Variants in RBFOX1 observed in about 807,000 individuals in gnomAD.
RBFOX1 encodes RNA binding protein fox-1 homolog 1.
In RBFOX1, 8 loss-of-function variants were observed where a neutral mutation model predicts 57.7. The observed-to-expected ratio is 0.14, with a 90% CI of 0.08 to 0.25. RBFOX1 has a LOEUF of 0.25. RBFOX1 is among the 10% of genes least tolerant of loss of function. RBFOX1 has a pLI of 1.00. For missense variants in RBFOX1, 611 were observed against 548.5 expected, an observed-to-expected ratio of 1.11 and a Z score of -1.14; for synonymous variants, 326 against 222.4, an observed-to-expected ratio of 1.47 and a Z score of -4.15.
intron 4 of RBFOX1, among the ~76,000 whole-genome samples, chr16:5,917,621 C>T (rs2058736797): frequency 6.6e-6 from 1 of 152,172 alleles, no homozygotes; most frequent in East Asian, 1.9e-4. Context: ...GTTCTGCCTC[C>T]TTTCTCCTGG....
At chr16:5,681,599 G>C (rs1047512153) in intron 3 of RBFOX1, among the ~76,000 whole-genome samples, 1 of 151,028 alleles carries the variant, frequency 6.6e-6, no homozygotes, top group African/African-American at 2.4e-5. Context: ...CTCCATGTTG[G>C]TCAGGCTGGA....
At position 6,495,464 on chromosome 16, in the gene RBFOX1, G is replaced by A. The variant is rs564751076; in HGVS notation, c.-63-159139G>A. On this transcript the variant is annotated intron_variant, in intron 2 of 15. Transcript: ENST00000550418. ...TCTATAAGATGATGTCCCCACTTTCGTAGATCGGTTGGTCATAACTTGTGG... is the reference window on the plus strand; with the variant it reads ...TCTATAAGATGATGTCCCCACTTTCATAGATCGGTTGGTCATAACTTGTGG... 4.0e-5 allele frequency among the ~76,000 whole-genome samples: 6 copies of A among 149,820 alleles called. 1 individual carries two copies. The highest frequency in any genetic ancestry group is 4.2e-4 in the South Asian group (2 of 4,790).
intron 4 of RBFOX1, among the ~76,000 whole-genome samples, chr16:6,007,789 G>A (rs1477983467): frequency 6.6e-6 from 1 of 152,190 alleles, no homozygotes; most frequent in Admixed American, 6.5e-5. Context: ...TATGGGTATG[G>A]GAACTTAGCC....
At chr16:6,563,560 A>G (rs1245117956) in intron 2 of RBFOX1, among the ~76,000 whole-genome samples, 1 of 152,136 alleles carries the variant, frequency 6.6e-6, no homozygotes, top group Non-Finnish European at 1.5e-5. Flanking sequence ...CGATAAAAAG[A>G]TGGCTGGGTG....
chr16:7,492,514 C>G (rs1320767694), intron 4 of RBFOX1, among the ~76,000 whole-genome samples: 1 of 152,116 alleles, frequency 6.6e-6, no homozygotes, highest in Non-Finnish European at 1.5e-5. Context: ...CCACTAGCCA[C>G]ATGTAGCTAC....
rs189495541 is a variant in RBFOX1, at chr16:5,505,350, T to A, written c.258+38096T>A. Among the ~76,000 whole-genome samples the A allele has an allele frequency of 8.1e-4, 123 of 152,340 alleles. 2 individuals are homozygous for A. The highest frequency in any genetic ancestry group is 2.9e-3 in the African/African-American group (120 of 41,576). ...CTGCTTGGTGCCTGTCGTCTTATTC[T>A]GCTTCTATTGCTGCTCCTAGAATCC... On this transcript the variant is annotated intron_variant, in intron 2 of 2. Coordinates refer to the RBFOX1 transcript ENST00000585867.
intron 4 of RBFOX1, among the ~76,000 whole-genome samples, chr16:5,989,992 T>C (rs1034150974): frequency 3.3e-5 from 5 of 152,036 alleles, no homozygotes; most frequent in Admixed American, 6.5e-5. Context: ...CACACCAGCC[T>C]TTTTGTTTGT....
At chr16:6,658,616 G>A (rs1046141174) in intron 3 of RBFOX1, among the ~76,000 whole-genome samples, 1 of 152,100 alleles carries the variant, frequency 6.6e-6, no homozygotes, top group African/African-American at 2.4e-5. Context: ...ATCCTCTCCT[G>A]TTTTTCTATT....
At chr16:7,186,066 A>C (rs190915590) in intron 4 of RBFOX1, among the ~76,000 whole-genome samples, 2 of 152,068 alleles carry the variant, frequency 1.3e-5, no homozygotes, top group African/African-American at 4.8e-5. Flanking sequence ...GAATGCTACT[A>C]TTTTGAAGGA....
intron 1 of RBFOX1, among the ~76,000 whole-genome samples, chr16:5,413,076 G>A (rs967211314): frequency 6.6e-6 from 1 of 152,166 alleles, no homozygotes; most frequent in African/African-American, 2.4e-5. Flanking sequence ...CAGAAGAAAG[G>A]CTGCTGTATT....
chr16:5,466,811 G>C (rs1425502886), intron 1 of RBFOX1, among the ~76,000 whole-genome samples: 1 of 152,122 alleles, frequency 6.6e-6, no homozygotes, highest in Non-Finnish European at 1.5e-5. Flanking sequence ...CCATATGGAA[G>C]TCTCCTTCTT....
chr16:6,948,856 G>A (rs577300171), intron 3 of RBFOX1, among the ~76,000 whole-genome samples: 21 of 152,070 alleles, frequency 1.4e-4, no homozygotes, highest in Non-Finnish European at 3.1e-4. Flanking sequence ...TCTTCTGTCC[G>A]TCTATAAACC....
chr16:7,341,437 C>T (rs990656499), intron 4 of RBFOX1, among the ~76,000 whole-genome samples: 1 of 152,116 alleles, frequency 6.6e-6, no homozygotes. Flanking sequence ...TTGGGATGAT[C>T]AAGTCCCAGT....
intron 3 of RBFOX1, among the ~76,000 whole-genome samples, chr16:6,863,896 C>A (rs186398718): frequency 6.6e-5 from 10 of 151,740 alleles, no homozygotes; most frequent in Admixed American, 6.6e-4. Context: ...TAAACAGTTA[C>A]CAATCCATTG....
chr16:5,973,446 G>A (rs2060001342), intron 4 of RBFOX1, among the ~76,000 whole-genome samples: 1 of 152,176 alleles, frequency 6.6e-6, no homozygotes, highest in African/African-American at 2.4e-5. Flanking sequence ...TATGCACAAA[G>A]CCAGAGTTCC....
At chr16:6,705,606 T>G (rs2154145887) in intron 3 of RBFOX1, 1 of 152,258 alleles carries the variant, frequency 6.6e-6, no homozygotes, top group East Asian at 1.9e-4. Context: ...GACTCAGCTA[T>G]GAAATATACA....
intron 2 of RBFOX1, among the ~76,000 whole-genome samples, chr16:6,389,347 A>C (rs1330579786): frequency 2.7e-5 from 4 of 146,444 alleles, no homozygotes; most frequent in Non-Finnish European, 6.0e-5. Context: ...ACTAGCTTAC[A>C]TATCCTTCAT....
In RBFOX1 at chr16:6,057,614, G is replaced by A. The variant is rs376013172; in HGVS notation, c.-127+37622G>A. Reference sequence around the variant, plus strand: ...CCAAAGACACTGAGCCAAGAATGCCGCCAGGCGTTTAAGGATGTATATTGT... The same window carrying A: ...CCAAAGACACTGAGCCAAGAATGCCACCAGGCGTTTAAGGATGTATATTGT... On this transcript the variant is annotated intron_variant, in intron 1 of 15. Coordinates refer to ENST00000550418, the MANE Select transcript of RBFOX1 (RefSeq NM_018723.4). 2.1e-4 allele frequency among the ~76,000 whole-genome samples: 32 copies of A among 152,194 alleles called. No individual in the cohort carries two copies. The East Asian group carries it at 6.0e-3, about 28-fold the overall frequency.
chr16:7,136,922 T>C (rs926738375), intron 4 of RBFOX1, among the ~76,000 whole-genome samples: 2 of 152,184 alleles, frequency 1.3e-5, no homozygotes, highest in African/African-American at 2.4e-5. Flanking sequence ...AAGTTTGCGC[T>C]GGGGCCCTTT....
Sources: gnomAD v4.1 joint callset for allele counts (sites outside exome capture counted in the v4.1 genomes callset) on GRCh38, gnomAD v4.1.1 for gene constraint, MANE v1.5 for transcripts, NCBI Gene and HGNC (gene_info 2026-07-23, HGNC 2026-07-21) for gene names.